GNPTG: variants seen among roughly 807,000 people sequenced by gnomAD.
GNPTG encodes the protein N-acetylglucosamine-1-phosphate transferase subunit gamma, also known as N-acetylglucosamine-1-phosphotransferase subunit gamma.
In GNPTG, 46 loss-of-function variants were observed where a neutral mutation model predicts 43.8. That is an observed-to-expected ratio of 1.05 (90% CI 0.83 to 1.34). The LOEUF (loss-of-function observed/expected upper bound fraction) is 1.34, where lower values mean the gene tolerates loss of function less well. Among genes scored for constraint, GNPTG ranks in the 40% most tolerant of loss-of-function variants. The pLI is 0.00. For missense variants in GNPTG, 549 were observed against 411.3 expected (o/e 1.33, Z -2.90); for synonymous variants, 250 against 172.8 (o/e 1.45, Z -3.50).
Position 1,351,958 on chromosome 16 carries a change from G to A in GNPTG, c.-8G>A, listed in dbSNP as rs1182563979. 12 of 1,293,488 alleles carry A rather than the reference G, an allele frequency of 9.3e-6. No homozygotes were observed. Among genetic ancestry groups the A allele is most frequent in the Non-Finnish European group, 1.2e-5 (12 of 1,026,170 alleles). The allele number at this position is 1,293,488 out of a possible 1,614,324, so 80.1% of individuals were successfully genotyped here. On this transcript the variant is annotated 5_prime_UTR_variant, in exon 1 of 11. Coordinates refer to ENST00000204679, the MANE Select transcript of GNPTG (RefSeq NM_032520.5). The stretch of plus-strand genomic sequence containing the variant: ...TTCACGTGACCGCGCGGCGGCCGCT[G>A]CGGCGCGATGGCGGCGGGGCTGGCG...
At position 1,352,139 on chromosome 16, in the gene GNPTG, G is replaced by GGAGGAGCCCAACGCGTTTGGGT. The variant is rs1226302473; in HGVS notation, c.94_110+5dup. 2 of 1,582,488 alleles carry GGAGGAGCCCAACGCGTTTGGGT rather than the reference G, an allele frequency of 1.3e-6. No homozygotes were observed. Among genetic ancestry groups the GGAGGAGCCCAACGCGTTTGGGT allele is most frequent in the African/African-American group, 1.3e-5 (1 of 74,422 alleles). On this transcript the variant is annotated frameshift_variant, in exon 2 of 11. Transcript: ENST00000204679. LOFTEE classifies it high-confidence loss of function. Reference sequence around the variant, plus strand: ...CAGGTGCAGCGAAGATGAAGGTGGTGGAGGAGCCCAACGCGTTTGGGTGAG... The same window carrying GGAGGAGCCCAACGCGTTTGGGT: ...CAGGTGCAGCGAAGATGAAGGTGGTGGAGGAGCCCAACGCGTTTGGGTGAGGAGCCCAACGCGTTTGGGTGAG...
At chr16:1,355,623 T>A (rs2034761980) in intron 3 of GNPTG, among the ~76,000 whole-genome samples, 1 of 152,030 alleles carries the variant, frequency 6.6e-6, no homozygotes, top group South Asian at 2.1e-4. Context: ...TGGGGCACGG[T>A]CAGTGTGGTG....
Position 1,352,132 on chromosome 16 carries a change from A to AGGT in GNPTG, c.89_91dup (p.Val30dup). The AGGT allele has an allele frequency of 6.3e-7, 1 of 1,582,712 alleles. No homozygotes were observed. Among genetic ancestry groups the AGGT allele is most frequent in the Non-Finnish European group, 8.6e-7 (1 of 1,166,190 alleles). On this transcript the variant is annotated inframe_insertion, in exon 2 of 11. Coordinates refer to ENST00000204679, the MANE Select transcript of GNPTG (RefSeq NM_032520.5). Reference sequence around the variant, plus strand: ...GCGCCGGCAGGTGCAGCGAAGATGAAGGTGGTGGAGGAGCCCAACGCGTTT... The same window carrying AGGT: ...GCGCCGGCAGGTGCAGCGAAGATGAAGGTGGTGGTGGAGGAGCCCAACGCGTTT...
intron 3 of GNPTG, among the ~76,000 whole-genome samples, chr16:1,356,690 C>T (rs902848563): frequency 6.6e-5 from 10 of 152,194 alleles, no homozygotes; most frequent in Non-Finnish European, 1.2e-4. Flanking sequence ...GGCCAGGCCC[C>T]GCTGCCCTCA....
intron 3 of GNPTG, among the ~76,000 whole-genome samples, chr16:1,360,006 G>T (rs771226209): frequency 6.6e-6 from 1 of 152,090 alleles, no homozygotes; most frequent in South Asian, 2.1e-4. Flanking sequence ...CTACTGGGGA[G>T]ACTGAGGCGG....
Position 1,362,090 on chromosome 16 carries a change from A to G in GNPTG, c.370A>G (p.Arg124Gly). The G allele has an allele frequency of 6.2e-7, 1 of 1,611,650 alleles. No homozygotes were observed. Residue 124 changes from arginine (R) to glycine (G), a missense_variant, in exon 6 of 11, where the codon AGG becomes GGG. Coordinates refer to ENST00000204679, the MANE Select transcript of GNPTG (RefSeq NM_032520.5). The stretch of plus-strand genomic sequence containing the variant: ...CAACACCTTCACGGGCATGTGGATG[A>G]GGGACGGTGACGCCTGCCGTTCCCG... ...ANNTFTGMWM[R>G]DGDACRSRSR... is the part of the protein sequence containing the mutation.
At position 1,362,271 on chromosome 16, in the gene GNPTG, C is replaced by CGTAG. The variant is rs753596034; in HGVS notation, c.478_479insTAGG (p.Ala160ValfsTer40). 6.2e-7 allele frequency: 1 copy of CGTAG among 1,613,502 alleles called. No homozygotes were observed. Among genetic ancestry groups the CGTAG allele is most frequent in the South Asian group, 1.1e-5 (1 of 91,090 alleles). The stretch of plus-strand genomic sequence containing the variant: ...TGTCCGAGCCGAGCACCTGCGTCTA[C>CGTAG]GCGCTGACGTTCGAGACCCCCCTCG... On this transcript the variant is annotated frameshift_variant, in exon 7 of 11. Transcript: ENST00000204679. LOFTEE classifies it high-confidence loss of function.
At chr16:1,361,419 T>C (rs1327041436) in intron 3 of GNPTG, 15 of 356,758 alleles carry the variant, frequency 4.2e-5, no homozygotes, top group Middle Eastern at 2.0e-3. Context: ...CCGAGGTGGG[T>C]GGATCACGAG....
chr16:1,362,405 G>A, intron 7 of GNPTG, 47 bp from the exon 8 acceptor site: 3 of 1,611,830 alleles, frequency 1.9e-6, no homozygotes, highest in Non-Finnish European at 2.5e-6. Context: ...GGGGGCCAGG[G>A]TTGGGACATG....
chr16:1,363,170 C>G lies in GNPTG; in HGVS notation c.*79C>G. 1 of 1,234,820 alleles carries G rather than the reference C, an allele frequency of 8.1e-7. No homozygotes were observed. Among genetic ancestry groups the G allele is most frequent in the East Asian group, 2.5e-5 (1 of 40,648 alleles). 76.5% of individuals were successfully genotyped at this position (1,234,820 alleles called of 1,614,324 possible). A position where few individuals can be genotyped will look rare whatever the true frequency, so the allele number is the denominator to read the frequency against. On this transcript the variant is annotated 3_prime_UTR_variant, in exon 11 of 11. Coordinates refer to ENST00000204679, the MANE Select transcript of GNPTG (RefSeq NM_032520.5). ...GGCTGGTAGGACCCGCAGGGACCAG[C>G]TGACCAGGCTTGTGCTCAGAGAAGC...
chr16:1,361,682 CCAGTCTTTGCAGACAGGTTCTGT>C, intron 3 of GNPTG, 38 bp from the exon 4 acceptor site: 1 of 1,564,398 alleles, frequency 6.4e-7, no homozygotes, highest in South Asian at 1.1e-5. Flanking sequence ...ACAGACTCTG[CCAGTCTTTGCAGACAGGTTCTGT>C]GCTTGGACCC....
chr16:1,363,306 T>TAGC lies in GNPTG; in HGVS notation c.*215_*216insAGC. On this transcript the variant is annotated 3_prime_UTR_variant, in exon 11 of 11. Coordinates refer to ENST00000204679, the MANE Select transcript of GNPTG (RefSeq NM_032520.5). ...TATAGTGTAAAAAAATTTAAACAAG[T>TAGC]GTTAACTTTAAACAGTTCGCTACAA... 1 of 579,502 alleles carries TAGC rather than the reference T, an allele frequency of 1.7e-6. No homozygotes were observed. The highest frequency in any genetic ancestry group is 1.9e-5 in the South Asian group (1 of 51,822). 35.9% of individuals were successfully genotyped at this position (579,502 alleles called of 1,614,324 possible). A position where few individuals can be genotyped will look rare whatever the true frequency, so the allele number is the denominator to read the frequency against.
chr16:1,352,648 G>A (rs1260595006), intron 3 of GNPTG: 3 of 355,650 alleles, frequency 8.4e-6, no homozygotes, highest in African/African-American at 6.4e-5. Context: ...CATGCTGCGC[G>A]AGTATTTGGC....
At chr16:1,359,476 G>C (rs913752110) in intron 3 of GNPTG, among the ~76,000 whole-genome samples, 1 of 151,902 alleles carries the variant, frequency 6.6e-6, no homozygotes, top group East Asian at 2.0e-4. Flanking sequence ...CACCATGTTG[G>C]CCAGGATGGT....
chr16:1,353,651 G>A (rs2034723512), intron 3 of GNPTG, among the ~76,000 whole-genome samples: 1 of 152,152 alleles, frequency 6.6e-6, no homozygotes, highest in Non-Finnish European at 1.5e-5. Context: ...AGCTTCCTGA[G>A]TAGCTGGGAC....
chr16:1,353,812 G>A (rs2034725818), intron 3 of GNPTG, among the ~76,000 whole-genome samples: 1 of 152,178 alleles, frequency 6.6e-6, no homozygotes, highest in African/African-American at 2.4e-5. Flanking sequence ...CTGAGGAAAA[G>A]TCTAAGAAGT....
At position 1,354,863 on chromosome 16, in the gene GNPTG, C is replaced by T. The variant is rs560623761; in HGVS notation, c.178+2557C>T. On this transcript the variant is annotated intron_variant, in intron 3 of 10. Transcript: ENST00000204679. The stretch of plus-strand genomic sequence containing the variant: ...GTGGGGTCAGGCGTGGATAGTCCCC[C>T]GCGTCTGTAGGGCTGGGCGTGGATA... 2.4e-3 allele frequency among the ~76,000 whole-genome samples: 358 copies of T among 152,074 alleles called. 1 individual carries two copies. The highest frequency in any genetic ancestry group is 0.017 in the Middle Eastern group (5 of 294).
At chr16:1,355,401 G>C (rs753990217) in intron 3 of GNPTG, among the ~76,000 whole-genome samples, 2 of 152,164 alleles carry the variant, frequency 1.3e-5, no homozygotes, top group Non-Finnish European at 2.9e-5. Flanking sequence ...TTGTGGCCTA[G>C]GGCTCAGAAG....
chr16:1,356,569 G>A (rs890745761), intron 3 of GNPTG, among the ~76,000 whole-genome samples: 2 of 152,210 alleles, frequency 1.3e-5, no homozygotes, highest in African/African-American at 4.8e-5. Flanking sequence ...GGCACTGCCA[G>A]TTGGGGGCTT....
Sources: gnomAD v4.1 joint callset for allele counts (sites outside exome capture counted in the v4.1 genomes callset) on GRCh38, gnomAD v4.1.1 for gene constraint, MANE v1.5 for transcripts, NCBI Gene and HGNC (gene_info 2026-07-23, HGNC 2026-07-21) for gene names.